Variants in SLCO1C1 observed in about 807,000 individuals in gnomAD.
SLCO1C1 encodes the protein OAT-RP-5.
Under a neutral mutation model 76.4 loss-of-function variants are expected in SLCO1C1, and 70 were observed. The observed-to-expected ratio is 0.92, with a 90% CI of 0.76 to 1.12. The LOEUF (loss-of-function observed/expected upper bound fraction) is 1.12. SLCO1C1 is among the 50% of genes most tolerant of loss of function. The pLI is 0.00. For missense variants in SLCO1C1, 912 were observed against 823.8 expected, an observed-to-expected ratio of 1.11 and a Z score of -1.31; for synonymous variants, 306 against 286.1, an observed-to-expected ratio of 1.07 and a Z score of -0.70.
intron 9 of SLCO1C1, among the ~76,000 whole-genome samples, chr12:20,726,572 AG>A (rs2120788092): frequency 6.6e-6 from 1 of 152,320 alleles, no homozygotes; most frequent in Admixed American, 6.5e-5. Flanking sequence ...TCCAAGAGCT[AG>A]GAAGCATTTG....
chr12:20,703,620 A>C (rs1816556338), intron 3 of SLCO1C1, among the ~76,000 whole-genome samples: 1 of 151,808 alleles, frequency 6.6e-6, no homozygotes, highest in Non-Finnish European at 1.5e-5. Context: ...ATCAATGGTT[A>C]ATTTTATTTA....
intron 5 of SLCO1C1, among the ~76,000 whole-genome samples, chr12:20,713,592 T>G (rs1240361457): frequency 6.6e-6 from 1 of 152,128 alleles, no homozygotes; most frequent in East Asian, 1.9e-4. Flanking sequence ...TCGTTAGACA[T>G]AGTGGACACA....
At chr12:20,696,999 G>A (rs1472929561) in intron 1 of SLCO1C1, 2 of 151,928 alleles carry the variant, frequency 1.3e-5, no homozygotes, top group East Asian at 3.9e-4. Flanking sequence ...TTATACTTTT[G>A]AATTTTAGTT....
chr12:20,717,307 T>C (rs1017130279), intron 7 of SLCO1C1, 77 bp downstream of exon 7: 1 of 1,151,960 alleles, frequency 8.7e-7, no homozygotes, highest in Non-Finnish European at 1.2e-6. Flanking sequence ...GTGGAAATTA[T>C]CAAATTGCCT....
chr12:20,737,888 T>C (rs1213501196), intron 11 of SLCO1C1, among the ~76,000 whole-genome samples: 1 of 152,100 alleles, frequency 6.6e-6, no homozygotes, highest in African/African-American at 2.4e-5. Flanking sequence ...CTATAACAAA[T>C]ATACCATAGA....
chr12:20,698,885 A>AG (rs1239592727), intron 1 of SLCO1C1, among the ~76,000 whole-genome samples: 1 of 151,992 alleles, frequency 6.6e-6, no homozygotes, highest in Non-Finnish European at 1.5e-5. Context: ...CTGTCCTGTG[A>AG]GGGGCGGTGG....
intron 13 of SLCO1C1, 91 bp from the exon 14 acceptor site, chr12:20,750,584 A>G: frequency 8.7e-7 from 1 of 1,153,462 alleles, no homozygotes; most frequent in Non-Finnish European, 1.3e-6. Flanking sequence ...CCAAAACAGT[A>G]ATTAGATTAA....
At chr12:20,730,508 T>C (rs557276137) in intron 9 of SLCO1C1, among the ~76,000 whole-genome samples, 7 of 152,322 alleles carry the variant, frequency 4.6e-5, no homozygotes, top group African/African-American at 1.7e-4. Flanking sequence ...TTGATATATT[T>C]TCTATAATCT....
chr12:20,721,957 C>T lies in SLCO1C1; in HGVS notation c.929C>T (p.Ser310Phe). ...PRSQSREDSN[S>F]SSEKSKFIID... ...TCCCAAAGTAGAGAGGATTCTAATTCTTCCTCTGAGAAATCCAAGTTTATT... is the reference window on the plus strand; with the variant it reads ...TCCCAAAGTAGAGAGGATTCTAATTTTTCCTCTGAGAAATCCAAGTTTATT... Residue 310 changes from serine (S) to phenylalanine (F), a missense_variant, in exon 8 of 15, where the codon TCT (serine) becomes TTT (phenylalanine). Ser to Phe is a radical substitution (Grantham distance 155, BLOSUM62 -2). Coordinates refer to ENST00000266509, the MANE Select transcript of SLCO1C1 (RefSeq NM_017435.5). 2 of 1,614,096 alleles carry T rather than the reference C, an allele frequency of 1.2e-6. No homozygotes were observed. Among genetic ancestry groups the T allele is most frequent in the Admixed American group, 1.7e-5 (1 of 60,020 alleles).
Position 20,746,570 on chromosome 12 carries a change from CAT to C in SLCO1C1, c.1798+3203_1798+3204del, listed in dbSNP as rs1309694781. ...CTTCATAATGGAGGGATCAGACTGA[CAT>C]AGCCTGAACTTCACACGCATCTTAG... On this transcript the variant is annotated intron_variant, in intron 13 of 14. Transcript: ENST00000266509. Among the ~76,000 whole-genome samples the C allele has an allele frequency of 2.0e-5, 3 of 152,188 alleles. No individual in the cohort carries two copies. In the East Asian group the frequency reaches 5.8e-4, roughly 29 times the overall value.
chr12:20,726,396 C>T (rs1421320077), intron 9 of SLCO1C1, among the ~76,000 whole-genome samples: 1 of 152,008 alleles, frequency 6.6e-6, no homozygotes, highest in Non-Finnish European at 1.5e-5. Context: ...AATTTCCCGA[C>T]ATGTTCAAGG....
At chr12:20,712,912 T>G (rs551566267) in intron 5 of SLCO1C1, among the ~76,000 whole-genome samples, 1 of 152,096 alleles carries the variant, frequency 6.6e-6, no homozygotes, top group Non-Finnish European at 1.5e-5. Context: ...AAGGGGGTAA[T>G]AGATATGTTC....
intron 3 of SLCO1C1, among the ~76,000 whole-genome samples, 193 bp downstream of exon 3, chr12:20,701,652 A>G (rs1394917573): frequency 6.6e-6 from 1 of 150,884 alleles, no homozygotes. Context: ...TCAACAGTAA[A>G]TTTTTCTCCC....
chr12:20,720,017 A>T (rs116705522), intron 7 of SLCO1C1, among the ~76,000 whole-genome samples: 1,990 of 152,320 alleles, frequency 0.013, 17 homozygotes, highest in Middle Eastern at 0.071. Flanking sequence ...GTTAGGGGCT[A>T]AGGCCACTGG....
intron 3 of SLCO1C1, among the ~76,000 whole-genome samples, chr12:20,702,215 T>C (rs1946559648): frequency 6.6e-6 from 1 of 151,970 alleles, no homozygotes; most frequent in African/African-American, 2.4e-5. Flanking sequence ...TAGTAAAACC[T>C]CTAACTGCTC....
intron 13 of SLCO1C1, 37 bp downstream of exon 13, chr12:20,743,406 C>T (rs775740247): frequency 1.5e-5 from 22 of 1,501,394 alleles, no homozygotes; most frequent in East Asian, 4.5e-5. Flanking sequence ...TGGTAGACAC[C>T]GTAAGTGTAT....
chr12:20,737,390 G>C (rs1051925027), intron 11 of SLCO1C1, 118 bp downstream of exon 11: 10 of 1,059,104 alleles, frequency 9.4e-6, no homozygotes, highest in Non-Finnish European at 1.3e-5. Flanking sequence ...ACCTCTGCCT[G>C]GTCCTTTTTT....
Position 20,721,869 on chromosome 12 carries a change from G to A in SLCO1C1, c.841G>A (p.Ala281Thr). ...AGCCTGGTGGCTTGGCTATCTAATA[G>A]CAGGAATCATAAGTCTTCTTGCAGC... ...VGAWWLGYLI[A>T]GIISLLAAVP... is the part of the protein sequence containing the mutation. The change falls in exon 8 of 15, where the codon GCA becomes ACA. Residue 281 changes from alanine (A) to threonine (T), a missense_variant. Ala to Thr is a moderately conservative substitution (Grantham distance 58). Transcript: ENST00000266509. 1 of 1,614,142 alleles carries A rather than the reference G, an allele frequency of 6.2e-7. No individual in the cohort carries two copies. Among genetic ancestry groups the A allele is most frequent in the Non-Finnish European group, 8.5e-7 (1 of 1,180,012 alleles).
chr12:20,744,340 C>T (rs11045430), intron 13 of SLCO1C1, among the ~76,000 whole-genome samples: 66,251 of 151,884 alleles, frequency 0.44, 17,176 homozygotes, highest in South Asian at 0.63. Flanking sequence ...ATTTACAAAA[C>T]TGATTTGACA....
Sources: gnomAD v4.1 joint callset for allele counts (sites outside exome capture counted in the v4.1 genomes callset) on GRCh38, gnomAD v4.1.1 for gene constraint, MANE v1.5 for transcripts, NCBI Gene and HGNC (gene_info 2026-07-23, HGNC 2026-07-21) for gene names.